Variants in RIMS1 observed in about 807,000 individuals in gnomAD.
The protein encoded by RIMS1 is regulating synaptic membrane exocytosis protein 1.
A neutral mutation model predicts 214.1 loss-of-function variants in RIMS1; 83 were observed. The observed-to-expected ratio is 0.39, with a 90% confidence interval of 0.32 to 0.47. The LOEUF is 0.47. Ranked by LOEUF, RIMS1 falls within the 20% of genes least tolerant of loss-of-function variation. The pLI, the probability that RIMS1 is intolerant of heterozygous loss-of-function variation, is 0.99. For synonymous variants in RIMS1, 793 were observed against 786.8 expected, an observed-to-expected ratio of 1.01 and a Z score of -0.13; for missense variants, 2,050 against 2,161.8, an observed-to-expected ratio of 0.95 and a Z score of 1.03.
intron 22 of RIMS1, among the ~76,000 whole-genome samples, chr6:72,268,052 A>T (rs1177938580): frequency 1.3e-5 from 2 of 152,184 alleles, no homozygotes; most frequent in East Asian, 3.9e-4. Context: ...AATGTAAAAT[A>T]AACAATTATT....
intron 2 of RIMS1, among the ~76,000 whole-genome samples, chr6:72,092,537 G>A (rs755944856): frequency 2.6e-4 from 40 of 152,224 alleles, no homozygotes; most frequent in Non-Finnish European, 4.1e-4. Flanking sequence ...CTACTGGGAC[G>A]TCTATACCAG....
At chr6:72,248,912 C>G (rs749585183) in intron 12 of RIMS1, among the ~76,000 whole-genome samples, 10 of 151,984 alleles carry the variant, frequency 6.6e-5, no homozygotes, top group Non-Finnish European at 1.3e-4. Context: ...CTTTGTAATA[C>G]CCTTTGGGTT....
At chr6:71,938,114 T>A (rs1018981893) in intron 1 of RIMS1, among the ~76,000 whole-genome samples, 21 of 152,166 alleles carry the variant, frequency 1.4e-4, no homozygotes, top group African/African-American at 5.1e-4. Flanking sequence ...GAGTAACTGG[T>A]CCCAAGTAAG....
chr6:72,266,160 T>C (rs1250571147), intron 22 of RIMS1, 111 bp downstream of exon 22: 3 of 791,802 alleles, frequency 3.8e-6, no homozygotes, highest in Non-Finnish European at 6.4e-6. Context: ...ATGTATACTT[T>C]GCTAACTGTC....
At chr6:71,897,604 G>T (rs990438479) in intron 1 of RIMS1, among the ~76,000 whole-genome samples, 3 of 152,072 alleles carry the variant, frequency 2.0e-5, no homozygotes, top group African/African-American at 4.8e-5. Context: ...ACCTTATCTG[G>T]TATATCTTCC....
chr6:72,186,786 C>CCG (rs1554265138), intron 6 of RIMS1, among the ~76,000 whole-genome samples: 53 of 151,584 alleles, frequency 3.5e-4, no homozygotes, highest in Non-Finnish European at 6.6e-4. Context: ...TGTACCCCCC[C>CCG]CCATATATAT....
chr6:71,957,266 T>C (rs1184939924), intron 1 of RIMS1, among the ~76,000 whole-genome samples: 1 of 152,138 alleles, frequency 6.6e-6, no homozygotes, highest in African/African-American at 2.4e-5. Flanking sequence ...TGAATTTAAA[T>C]TTATGCAGAG....
At chr6:72,156,847 T>C (rs1470317082) in intron 4 of RIMS1, among the ~76,000 whole-genome samples, 1 of 141,256 alleles carries the variant, frequency 7.1e-6, no homozygotes. Context: ...TTTATCCACA[T>C]GTAATTAAAC....
intron 2 of RIMS1, among the ~76,000 whole-genome samples, chr6:72,091,292 A>G (rs1315525056): frequency 2.0e-5 from 3 of 152,214 alleles, no homozygotes; most frequent in Admixed American, 6.5e-5. Context: ...CCTAGACTTC[A>G]TAAAGGAAAT....
At chr6:72,312,953 G>A (rs920074671) in intron 27 of RIMS1, among the ~76,000 whole-genome samples, 4 of 151,898 alleles carry the variant, frequency 2.6e-5, no homozygotes, top group Non-Finnish European at 5.9e-5. Flanking sequence ...TCATATTTTG[G>A]TATATTTTTT....
intron 2 of RIMS1, among the ~76,000 whole-genome samples, chr6:72,025,447 T>C (rs973443803): frequency 1.3e-5 from 2 of 152,220 alleles, no homozygotes; most frequent in Non-Finnish European, 2.9e-5. Flanking sequence ...AAAATGAAGC[T>C]AGTAGTTTGC....
chr6:72,275,377 G>A (rs1235822973), intron 23 of RIMS1, among the ~76,000 whole-genome samples: 1 of 151,412 alleles, frequency 6.6e-6, no homozygotes. Flanking sequence ...TGTGCGTACG[G>A]CAGAGTAATT....
rs1326104220 is a variant in RIMS1, at chr6:72,182,696, G to A, written c.1225G>A (p.Ala409Thr). Residue 409 changes from alanine to threonine, a missense_variant, in exon 6 of 34, where the codon GCC (alanine) becomes ACC (threonine). By Grantham distance (58) the Ala-to-Thr change is moderately conservative (BLOSUM62 0). Coordinates refer to ENST00000521978, the MANE Select transcript of RIMS1 (RefSeq NM_014989.7). ...GGGCGCGGCGCTGCCGGAGGGCAAG[G>A]CCGGCAAACGCGCGCCGGCGGCAGC... ...EAGAALPEGKAGKRAPAAARA... is the reference protein window; with the variant it reads ...EAGAALPEGKTGKRAPAAARA... 4.0e-6 allele frequency: 6 copies of A among 1,504,720 alleles called. No homozygotes were observed. The African/African-American group carries it at 8.7e-5, about 22-fold the overall frequency. 93.2% of individuals were successfully genotyped at this position (1,504,720 alleles called of 1,614,324 possible).
chr6:72,148,534 T>A (rs2043055897), intron 4 of RIMS1: 4 of 455,382 alleles, frequency 8.8e-6, no homozygotes, highest in South Asian at 6.2e-5. Flanking sequence ...CCTAATGCAC[T>A]GGCCTATACT....
chr6:71,957,691 T>C (rs1435952680), intron 1 of RIMS1, among the ~76,000 whole-genome samples: 1 of 150,528 alleles, frequency 6.6e-6, no homozygotes, highest in Non-Finnish European at 1.5e-5. Context: ...TTAAAATTAT[T>C]TTACAACCCT....
intron 2 of RIMS1, among the ~76,000 whole-genome samples, chr6:71,983,868 A>G (rs1161714352): frequency 6.6e-6 from 1 of 152,222 alleles, no homozygotes; most frequent in Non-Finnish European, 1.5e-5. Flanking sequence ...TTCCATTTTT[A>G]TCATATTACT....
intron 29 of RIMS1, among the ~76,000 whole-genome samples, chr6:72,361,339 C>A (rs1267621433): frequency 3.3e-5 from 5 of 151,782 alleles, no homozygotes; most frequent in Non-Finnish European, 2.9e-5. Context: ...CTCCTGACTT[C>A]AAGTGATCCA....
chr6:72,135,552 T>C (rs879631300), intron 4 of RIMS1, among the ~76,000 whole-genome samples: 2 of 152,108 alleles, frequency 1.3e-5, no homozygotes, highest in Non-Finnish European at 2.9e-5. Flanking sequence ...GGCATCGGTG[T>C]CTGAGAATGA....
chr6:72,398,345 C>T lies in RIMS1; in HGVS notation c.4715C>T (p.Thr1572Ile). 2.5e-6 allele frequency: 4 copies of T among 1,593,524 alleles called. No individual in the cohort carries two copies. Among genetic ancestry groups the T allele is most frequent in the East Asian group, 2.2e-5 (1 of 44,566 alleles). ...ACACAAAAGCCTGGTTCCAAATCTA[C>T]ACCTGGTAAGGAGAAGTATTCCTGA... ...SLTQKPGSKS[T>I]PAPYVKVYLL... is the part of the protein sequence containing the mutation. Residue 1572 changes from threonine to isoleucine, a missense_variant, in exon 32 of 34, where the codon ACA becomes ATA. Transcript: ENST00000521978.
Sources: allele counts gnomAD v4.1 joint callset (sites outside exome capture counted in the v4.1 genomes callset), GRCh38; gene constraint gnomAD v4.1.1; transcripts MANE v1.5; gene names NCBI Gene and HGNC (gene_info 2026-07-23, HGNC 2026-07-21).